Variants in RTF1 observed in about 807,000 individuals in gnomAD.
The protein encoded by RTF1 is RNA polymerase-associated protein RTF1 homolog.
In RTF1, 10 loss-of-function variants were observed where a neutral mutation model predicts 95.7. That is an observed-to-expected ratio of 0.10 (90% confidence interval 0.06 to 0.18). RTF1 has a LOEUF of 0.18. Among genes scored for constraint, RTF1 ranks in the 10% least tolerant of loss-of-function variants. The pLI is 1.00. For missense variants in RTF1, 458 were observed against 875.6 expected, an observed-to-expected ratio of 0.52 and a Z score of 6.02; for synonymous variants, 305 against 311.8, an observed-to-expected ratio of 0.98 and a Z score of 0.23.
chr15:41,462,491 G>T (rs577042725), intron 4 of RTF1, among the ~76,000 whole-genome samples: 168 of 152,240 alleles, frequency 1.1e-3, no homozygotes, highest in Non-Finnish European at 9.7e-4. Context: ...GGGGGTTGTT[G>T]TAAACCTCAA....
At chr15:41,438,236 G>C in intron 1 of RTF1, 85 bp from the exon 2 acceptor site, 1 of 882,050 alleles carries the variant, frequency 1.1e-6, no homozygotes, top group South Asian at 1.8e-5. Context: ...ATATAAAAAA[G>C]ATCTAGAGAG....
intron 4 of RTF1, among the ~76,000 whole-genome samples, chr15:41,459,815 T>C (rs1162572922): frequency 1.3e-5 from 2 of 152,232 alleles, no homozygotes; most frequent in Non-Finnish European, 2.9e-5. Context: ...TTTTGCCATA[T>C]TTTAAATGGA....
chr15:41,439,418 G>A (rs2050721645), intron 2 of RTF1, among the ~76,000 whole-genome samples: 1 of 152,064 alleles, frequency 6.6e-6, no homozygotes, highest in South Asian at 2.1e-4. Context: ...AGTTTAATGG[G>A]AAATACTTTA....
rs140839665 is a variant in RTF1, at chr15:41,455,498, G to A, written c.458-2174G>A. Among the ~76,000 whole-genome samples, 48 of 152,140 alleles carry A rather than the reference G, an allele frequency of 3.2e-4. 1 individual carries two copies. The East Asian group carries it at 9.3e-3, about 30-fold the overall frequency. Reference sequence around the variant, plus strand: ...TAAGTGGTGTTTAAGCCATCAGGATGCAAAGGCATAGAATGATATAATGGG... The same window carrying A: ...TAAGTGGTGTTTAAGCCATCAGGATACAAAGGCATAGAATGATATAATGGG... On this transcript the variant is annotated intron_variant, in intron 3 of 17. Transcript: ENST00000389629.
chr15:41,425,032 T>G (rs1053985851), intron 1 of RTF1, among the ~76,000 whole-genome samples: 1 of 151,746 alleles, frequency 6.6e-6, no homozygotes, highest in East Asian at 1.9e-4. Flanking sequence ...AGAAAAAAAT[T>G]TAAAGCCACT....
chr15:41,418,670 C>T (rs1288584118), intron 1 of RTF1, among the ~76,000 whole-genome samples: 2 of 150,948 alleles, frequency 1.3e-5, no homozygotes, highest in Non-Finnish European at 2.9e-5. Flanking sequence ...ATTAGCGGGG[C>T]GTGGTGGCAC....
chr15:41,429,086 G>T (rs1013804279), intron 1 of RTF1, among the ~76,000 whole-genome samples: 4 of 151,876 alleles, frequency 2.6e-5, no homozygotes, highest in Non-Finnish European at 5.9e-5. Flanking sequence ...TCCCTGTGTT[G>T]CCCATGCTGG....
chr15:41,428,092 CT>C (rs371879706), intron 1 of RTF1, among the ~76,000 whole-genome samples: 29 of 147,198 alleles, frequency 2.0e-4, no homozygotes, highest in Non-Finnish European at 2.9e-4. Flanking sequence ...TGGCCGCCTT[CT>C]TTTTTTTTTA....
intron 4 of RTF1, 119 bp downstream of exon 4, chr15:41,457,995 CTG>C: frequency 1.4e-6 from 1 of 722,768 alleles, no homozygotes; most frequent in Non-Finnish European, 2.3e-6. Flanking sequence ...TTGGAATTGA[CTG>C]TTAACATGAT....
At chr15:41,452,389 A>G (rs1003926499) in intron 2 of RTF1, among the ~76,000 whole-genome samples, 1 of 152,074 alleles carries the variant, frequency 6.6e-6, no homozygotes, top group Non-Finnish European at 1.5e-5. Flanking sequence ...AGAGCCCGAG[A>G]TCGCACCACT....
intron 14 of RTF1, 105 bp from the exon 15 acceptor site, chr15:41,478,443 T>G: frequency 1.4e-6 from 1 of 695,118 alleles, no homozygotes; most frequent in Non-Finnish European, 2.3e-6. Flanking sequence ...GATAATAGCT[T>G]TTTTTTTTTT....
At chr15:41,479,941 T>G (rs544799802) in intron 16 of RTF1, among the ~76,000 whole-genome samples, 5 of 152,086 alleles carry the variant, frequency 3.3e-5, no homozygotes, top group African/African-American at 1.2e-4. Context: ...TCAGGATTTC[T>G]GAAATCTTAG....
intron 2 of RTF1, among the ~76,000 whole-genome samples, chr15:41,446,766 C>T (rs1035361265): frequency 6.6e-6 from 1 of 151,950 alleles, no homozygotes; most frequent in Non-Finnish European, 1.5e-5. Context: ...TTCTTTAGAC[C>T]CTAATCCCAG....
At chr15:41,470,147 A>G (rs1222927698) in intron 6 of RTF1, 110 bp from the exon 7 acceptor site, 10 of 1,143,518 alleles carry the variant, frequency 8.7e-6, no homozygotes, top group Non-Finnish European at 7.6e-6. Context: ...TCCAGTCTAG[A>G]GAGGACGGAG....
chr15:41,458,155 G>T (rs1371642887), intron 4 of RTF1, among the ~76,000 whole-genome samples: 1 of 152,196 alleles, frequency 6.6e-6, no homozygotes, highest in African/African-American at 2.4e-5. Flanking sequence ...GCTCTGTGAA[G>T]TTGGTTATAC....
intron 2 of RTF1, among the ~76,000 whole-genome samples, chr15:41,439,174 G>A (rs375546457): frequency 6.6e-6 from 1 of 151,324 alleles, no homozygotes; most frequent in Admixed American, 6.6e-5. Context: ...TGGGACTACA[G>A]GCACCCGCCA....
intron 12 of RTF1, 139 bp from the exon 13 acceptor site, chr15:41,477,026 T>G: frequency 9.6e-7 from 1 of 1,037,790 alleles, no homozygotes; most frequent in Non-Finnish European, 1.5e-6. Flanking sequence ...TGTAAAGTAC[T>G]TCTACAGTAT....
At chr15:41,427,324 T>G (rs1253817479) in intron 1 of RTF1, among the ~76,000 whole-genome samples, 1 of 150,894 alleles carries the variant, frequency 6.6e-6, no homozygotes, top group Non-Finnish European at 1.5e-5. Context: ...GCTAATTTTT[T>G]GTATTTTTAG....
chr15:41,431,329 C>T (rs1013234252), intron 1 of RTF1, among the ~76,000 whole-genome samples: 13 of 151,332 alleles, frequency 8.6e-5, no homozygotes, highest in African/African-American at 3.2e-4. Context: ...ATTCTTCTGC[C>T]TCAGCCTCCC....
Sources: gnomAD v4.1 joint callset for allele counts (sites outside exome capture counted in the v4.1 genomes callset) on GRCh38, gnomAD v4.1.1 for gene constraint, MANE v1.5 for transcripts, NCBI Gene and HGNC (gene_info 2026-07-23, HGNC 2026-07-21) for gene names.